The following RFC3 variants were observed in gnomAD, a reference collection of about 807,000 sequenced individuals.
RFC3 encodes A1 38 kDa subunit.
A neutral mutation model predicts 45.1 loss-of-function variants in RFC3; 41 were observed. The ratio of observed to expected loss-of-function variants is 0.91; its 90% CI spans 0.71 to 1.18. The LOEUF is 1.18. RFC3 is among the 50% of genes most tolerant of loss of function. RFC3 has a pLI of 0.00. For synonymous variants in RFC3, 149 were observed against 144.0 expected, an observed-to-expected ratio of 1.03 and a Z score of -0.25; for missense variants, 423 against 428.1, an observed-to-expected ratio of 0.99 and a Z score of 0.10.
Position 33,879,658 on chromosome 13 carries a change from C to T in RFC3, c.879+44441C>T, listed in dbSNP as rs139040810. Among the ~76,000 whole-genome samples, 99 of 152,268 alleles carry T rather than the reference C, an allele frequency of 6.5e-4. No homozygotes were observed. The East Asian group carries it at 0.018, about 27-fold the overall frequency. On this transcript the variant is annotated intron_variant, in intron 8 of 8. Transcript: ENST00000434425. ...AAAATTAAATAACTAACAATTACAT[C>T]AATTATATTGACTTTTAGGAAACCT... is the stretch of plus-strand genomic sequence containing the variant.
chr13:33,958,966 A>G (rs1487506481), intron 8 of RFC3, among the ~76,000 whole-genome samples: 2 of 152,216 alleles, frequency 1.3e-5, no homozygotes, highest in Non-Finnish European at 2.9e-5. Context: ...AATGTCACTT[A>G]TATTAGTTCC....
At chr13:33,830,402 A>G (rs1297644344) in intron 5 of RFC3, among the ~76,000 whole-genome samples, 1 of 152,246 alleles carries the variant, frequency 6.6e-6, no homozygotes, top group East Asian at 1.9e-4. Context: ...AATTAAAGTT[A>G]GTATGAAATA....
intron 8 of RFC3, among the ~76,000 whole-genome samples, chr13:33,886,903 C>T (rs1421508946): frequency 4.7e-5 from 7 of 149,150 alleles, no homozygotes; most frequent in Non-Finnish European, 1.0e-4. Flanking sequence ...TTTGTTCTTG[C>T]GATAGTTTAC....
chr13:33,856,334 A>C (rs922849564), intron 8 of RFC3, among the ~76,000 whole-genome samples: 1 of 152,160 alleles, frequency 6.6e-6, no homozygotes, highest in African/African-American at 2.4e-5. Flanking sequence ...GGAGCCCACC[A>C]GAAGGTGGAG....
At chr13:33,900,339 C>G (rs1342314289) in intron 8 of RFC3, among the ~76,000 whole-genome samples, 1 of 151,682 alleles carries the variant, frequency 6.6e-6, no homozygotes, top group Non-Finnish European at 1.5e-5. Flanking sequence ...ACACATAGAC[C>G]AATGGAACAG....
At chr13:33,973,921 T>C in the RFC3 span, among the ~76,000 whole-genome samples, 1 of 152,070 alleles carries the variant, frequency 6.6e-6, no homozygotes, top group Non-Finnish European at 1.5e-5. Flanking sequence ...TTCTAGGCTG[T>C]ATCCCAGTAG....
In RFC3 at chr13:33,845,793, T is replaced by G. The variant is rs74493976; in HGVS notation, c.879+10576T>G. On this transcript the variant is annotated intron_variant, in intron 8 of 8. Coordinates refer to the RFC3 transcript ENST00000434425. The stretch of plus-strand genomic sequence containing the variant: ...GGTCACTGATACCTTATGTAGTTTG[T>G]TTGGTGAGGTCATGTTTCCTGGATG... Among the ~76,000 whole-genome samples the G allele has an allele frequency of 8.1e-3, 1,231 of 152,334 alleles. 10 individuals carry two copies. Among genetic ancestry groups the G allele is most frequent in the African/African-American group, 0.028 (1,182 of 41,564 alleles).
At chr13:33,819,348 C>A (rs561320185) in intron 1 of RFC3, among the ~76,000 whole-genome samples, 1 of 152,330 alleles carries the variant, frequency 6.6e-6, no homozygotes, top group Non-Finnish European at 1.5e-5. Flanking sequence ...AATAAAGTGT[C>A]TGTGGAAGAC....
At chr13:33,864,317 G>A (rs531388059) in intron 8 of RFC3, among the ~76,000 whole-genome samples, 47 of 152,244 alleles carry the variant, frequency 3.1e-4, no homozygotes, top group African/African-American at 1.1e-3. Context: ...GATTTGGAGG[G>A]GACAATTATC....
chr13:33,886,101 C>G (rs1248953365), intron 8 of RFC3, among the ~76,000 whole-genome samples: 1 of 152,026 alleles, frequency 6.6e-6, no homozygotes, highest in Non-Finnish European at 1.5e-5. Context: ...TGTGGTAAAC[C>G]TGAGACTTCA....
chr13:33,976,839 A>G, the RFC3 span, among the ~76,000 whole-genome samples: 1 of 152,196 alleles, frequency 6.6e-6, no homozygotes, highest in Non-Finnish European at 1.5e-5. Flanking sequence ...TGGGCTGTGC[A>G]TGGTGGCCTC....
chr13:33,834,308 A>G lies in RFC3; in HGVS notation c.810-840A>G, dbSNP rs1168075337. Among the ~76,000 whole-genome samples the G allele has an allele frequency of 4.5e-4, 57 of 125,920 alleles. 3 individuals are homozygous for G. The East Asian group carries it at 8.4e-3, about 19-fold the overall frequency. 82.6% of individuals were successfully genotyped at this position (125,920 alleles called of 152,430 possible). On this transcript the variant is annotated intron_variant, in intron 7 of 8. Coordinates refer to ENST00000380071, the MANE Select transcript of RFC3 (RefSeq NM_002915.4). ...ACATCTGTACTGTGTGTATATATAT[A>G]TATATATATATATATATATATATCT...
chr13:33,933,637 AT>A (rs2137778560), intron 8 of RFC3, among the ~76,000 whole-genome samples: 1 of 152,238 alleles, frequency 6.6e-6, no homozygotes, highest in African/African-American at 2.4e-5. Flanking sequence ...TTAGTGATGC[AT>A]TTTCAAATGA....
At chr13:33,929,287 C>T (rs2082836940) in intron 8 of RFC3, among the ~76,000 whole-genome samples, 1 of 151,990 alleles carries the variant, frequency 6.6e-6, no homozygotes, top group Admixed American at 6.6e-5. Context: ...TCTTCTTTTC[C>T]AACCACAGCC....
intron 8 of RFC3, among the ~76,000 whole-genome samples, chr13:33,874,137 A>C (rs930729101): frequency 1.3e-5 from 2 of 152,226 alleles, no homozygotes; most frequent in Non-Finnish European, 2.9e-5. Flanking sequence ...GAGAAGTTGC[A>C]TGCTAATTAT....
chr13:33,851,770 A>G (rs1198366182), intron 8 of RFC3, among the ~76,000 whole-genome samples: 2 of 152,184 alleles, frequency 1.3e-5, no homozygotes, highest in Non-Finnish European at 2.9e-5. Flanking sequence ...TTGCACACAC[A>G]TATGATCCAA....
rs77412489 is a variant in RFC3 at position 33,857,589 on chromosome 13, C to T, written c.879+22372C>T. On this transcript the variant is annotated intron_variant, in intron 8 of 8. Coordinates refer to the RFC3 transcript ENST00000434425. ...AACTGGGGAGTGTTAGTGGGGCTAA[C>T]ATTAAAATTAATATTTTTGCTTCAT... Among the ~76,000 whole-genome samples the T allele has an allele frequency of 5.3e-5, 8 of 151,372 alleles. No individual in the cohort carries two copies. The East Asian group carries it at 1.6e-3, about 29-fold the overall frequency.
intron 8 of RFC3, among the ~76,000 whole-genome samples, chr13:33,854,981 G>A (rs1260183642): frequency 6.6e-6 from 1 of 151,688 alleles, no homozygotes; most frequent in Non-Finnish European, 1.5e-5. Flanking sequence ...TAATCATGAC[G>A]GAAACAAAAC....
At chr13:33,826,278 A>G (rs571513352) in intron 4 of RFC3, among the ~76,000 whole-genome samples, 145 of 152,258 alleles carry the variant, frequency 9.5e-4, no homozygotes, top group African/African-American at 3.4e-3. Context: ...ATACATTCTT[A>G]CTGGTGAGAT....
Sources: allele counts gnomAD v4.1 joint callset (sites outside exome capture counted in the v4.1 genomes callset), GRCh38; gene constraint gnomAD v4.1.1; transcripts MANE v1.5; gene names NCBI Gene and HGNC (gene_info 2026-07-23, HGNC 2026-07-21).